CSMD3: variants seen among roughly 807,000 people sequenced by gnomAD.
CSMD3 encodes the protein CUB and Sushi multiple domains 3.
Under a neutral mutation model 435.2 loss-of-function variants are expected in CSMD3, and 177 were observed. The ratio of observed to expected loss-of-function variants is 0.41; its 90% CI spans 0.36 to 0.46. The LOEUF (loss-of-function observed/expected upper bound fraction) is 0.46, where lower values mean the gene tolerates loss of function less well. Ranked by LOEUF, CSMD3 falls within the 20% of genes least tolerant of loss-of-function variation. CSMD3 has a pLI of 0.34. For missense variants in CSMD3, 4,265 were observed against 4,504.6 expected (o/e 0.95, Z 1.52); for synonymous variants, 1,656 against 1,520.5 (o/e 1.09, Z -2.07).
chr8:113,374,220 GA>G (rs1163543690), intron 1 of CSMD3, among the ~76,000 whole-genome samples: 1 of 151,806 alleles, frequency 6.6e-6, no homozygotes, highest in African/African-American at 2.4e-5. Flanking sequence ...ACATGTATTT[GA>G]AAAACATTAC....
intron 2 of CSMD3, among the ~76,000 whole-genome samples, chr8:113,290,038 G>C (rs1337320610): frequency 1.3e-5 from 2 of 151,660 alleles, no homozygotes; most frequent in South Asian, 2.1e-4. Context: ...ATTTCCTCCA[G>C]TAATTAGAGG....
intron 38 of CSMD3, among the ~76,000 whole-genome samples, chr8:112,378,011 G>C (rs182881318): frequency 6.6e-6 from 1 of 152,096 alleles, no homozygotes; most frequent in Non-Finnish European, 1.5e-5. Context: ...AATTAGACAA[G>C]AAATAGAAAT....
chr8:113,373,537 T>C (rs1013480514), intron 1 of CSMD3, among the ~76,000 whole-genome samples: 3 of 151,964 alleles, frequency 2.0e-5, no homozygotes, highest in Non-Finnish European at 4.4e-5. Context: ...TATGTGTATA[T>C]ATATTTATAT....
intron 1 of CSMD3, among the ~76,000 whole-genome samples, chr8:113,398,348 T>C (rs763616377): frequency 5.9e-5 from 9 of 152,226 alleles, no homozygotes; most frequent in Non-Finnish European, 8.8e-5. Context: ...GGTGTATATC[T>C]GGATTCTCTA....
Position 112,570,313 on chromosome 8 carries a change from G to T in CSMD3, c.4042+3188C>A, listed in dbSNP as rs186390620. On this transcript the variant is annotated intron_variant, in intron 24 of 70. Coordinates refer to ENST00000297405, the MANE Select transcript of CSMD3 (RefSeq NM_198123.2). ...ACTAAAGATGCTATGAAGGAAAATA[G>T]CGTGTTGAAGAACGATGCACATATG... Among the ~76,000 whole-genome samples the T allele has an allele frequency of 8.4e-4, 128 of 152,292 alleles. 1 individual carries two copies. The highest frequency in any genetic ancestry group is 2.8e-3 in the African/African-American group (117 of 41,578).
intron 59 of CSMD3, among the ~76,000 whole-genome samples, chr8:112,271,030 G>T (rs1817485861): frequency 6.6e-6 from 1 of 151,544 alleles, no homozygotes; most frequent in Admixed American, 6.6e-5. Flanking sequence ...AATCAATCTT[G>T]CTGATTTTCT....
chr8:112,440,890 C>T, intron 32 of CSMD3, among the ~76,000 whole-genome samples: 1 of 152,162 alleles, frequency 6.6e-6, no homozygotes, highest in East Asian at 1.9e-4. Flanking sequence ...ATTTTTCCCT[C>T]CTAGACATCC....
intron 53 of CSMD3, among the ~76,000 whole-genome samples, chr8:112,300,271 AAT>A (rs10597967): frequency 0.11 from 15,560 of 147,288 alleles, 1,901 homozygotes; most frequent in African/African-American, 0.29. Context: ...AGTATGTATA[AAT>A]ATATATTTCT....
intron 24 of CSMD3, among the ~76,000 whole-genome samples, chr8:112,565,126 A>G (rs921901945): frequency 2.0e-5 from 3 of 152,074 alleles, no homozygotes; most frequent in African/African-American, 7.2e-5. Context: ...TTTCTTTAGT[A>G]TTTCAGTTAG....
chr8:112,495,714 G>A (rs1462485641), intron 30 of CSMD3, among the ~76,000 whole-genome samples: 1 of 152,066 alleles, frequency 6.6e-6, no homozygotes, highest in Non-Finnish European at 1.5e-5. Context: ...TTATGAGGCA[G>A]ACAAGTTATC....
chr8:113,178,409 T>C (rs2092377775), intron 3 of CSMD3, among the ~76,000 whole-genome samples: 1 of 151,974 alleles, frequency 6.6e-6, no homozygotes, highest in African/African-American at 2.4e-5. Context: ...CACAAGTATT[T>C]ATTAAACATC....
intron 5 of CSMD3, among the ~76,000 whole-genome samples, chr8:113,059,996 T>TTTA (rs2088535024): frequency 2.8e-5 from 1 of 35,204 alleles, no homozygotes; most frequent in African/African-American, 2.1e-4. Context: ...TATTTATTTA[T>TTTA]TTTTTTTTTA....
At chr8:112,871,789 T>A (rs774863876) in intron 10 of CSMD3, among the ~76,000 whole-genome samples, 3 of 152,086 alleles carry the variant, frequency 2.0e-5, no homozygotes, top group African/African-American at 7.2e-5. Context: ...AAACTCTTAA[T>A]AGTGTATGGG....
intron 10 of CSMD3, among the ~76,000 whole-genome samples, chr8:112,876,445 A>G (rs2081284156): frequency 6.6e-6 from 1 of 152,198 alleles, no homozygotes; most frequent in Non-Finnish European, 1.5e-5. Context: ...AAATACTGGC[A>G]AACCAAATCC....
At chr8:113,163,786 G>C (rs72685896) in intron 4 of CSMD3, among the ~76,000 whole-genome samples, 10,116 of 151,998 alleles carry the variant, frequency 0.067, 453 homozygotes, top group Non-Finnish European at 0.095. Context: ...AGGCATGTAT[G>C]ATTTGATTTT....
At chr8:113,102,835 T>C (rs542374834) in intron 4 of CSMD3, among the ~76,000 whole-genome samples, 7 of 152,224 alleles carry the variant, frequency 4.6e-5, no homozygotes, top group African/African-American at 1.7e-4. Flanking sequence ...GACAAAGGTA[T>C]GGAATTTATT....
chr8:112,691,905 A>T (rs955403061), intron 13 of CSMD3, among the ~76,000 whole-genome samples: 1 of 151,810 alleles, frequency 6.6e-6, no homozygotes, highest in African/African-American at 2.4e-5. Flanking sequence ...GGTTCAAGAG[A>T]TTCTCCTGCC....
chr8:113,367,120 A>G (rs2094317256), intron 1 of CSMD3, among the ~76,000 whole-genome samples: 2 of 151,848 alleles, frequency 1.3e-5, no homozygotes, highest in African/African-American at 4.8e-5. Context: ...TCAAGTTAGT[A>G]TTTCCCTAAA....
At chr8:112,790,245 T>C (rs1034838554) in intron 13 of CSMD3, among the ~76,000 whole-genome samples, 1 of 152,012 alleles carries the variant, frequency 6.6e-6, no homozygotes, top group African/African-American at 2.4e-5. Flanking sequence ...GTGAAAACAT[T>C]TTTTAAACCT....
Sources: allele counts gnomAD v4.1 joint callset (sites outside exome capture counted in the v4.1 genomes callset), GRCh38; gene constraint gnomAD v4.1.1; transcripts MANE v1.5; gene names NCBI Gene and HGNC (gene_info 2026-07-23, HGNC 2026-07-21).